Variants in CADPS2 observed in about 807,000 individuals in gnomAD.
CADPS2 encodes the protein calcium-dependent secretion activator 2.
CADPS2 carries 93 observed loss-of-function variants against 172.5 expected under a neutral mutation model. The observed-to-expected ratio is 0.54, with a 90% CI of 0.46 to 0.64. The LOEUF (loss-of-function observed/expected upper bound fraction) is 0.64. Ranked by LOEUF, CADPS2 falls within the 30% of genes least tolerant of loss-of-function variation. The pLI is 0.00. For missense variants in CADPS2, 1,420 were observed against 1,565.9 expected (o/e 0.91, Z 1.57); for synonymous variants, 546 against 555.2 (o/e 0.98, Z 0.23).
At chr7:122,464,945 A>G (rs1359691393) in intron 14 of CADPS2, among the ~76,000 whole-genome samples, 1 of 152,244 alleles carries the variant, frequency 6.6e-6, no homozygotes, top group Non-Finnish European at 1.5e-5. Flanking sequence ...GTATGACAAT[A>G]ACATTAAGGG....
rs543276169 is a variant in CADPS2 at position 122,580,123 on chromosome 7, T to A, written c.1335+1056A>T. Among the ~76,000 whole-genome samples, 19 of 152,200 alleles carry A rather than the reference T, an allele frequency of 1.2e-4. No homozygotes were observed. The East Asian group carries it at 2.3e-3, about 19-fold the overall frequency. On this transcript the variant is annotated intron_variant, in intron 7 of 29. Transcript: ENST00000449022. ...TGAAGGTTTTATTTGCTGGAAAATA[T>A]CTCTGAATACAGTCTTCAGGTCTAG...
chr7:122,530,142 C>T (rs2061633088), intron 8 of CADPS2, among the ~76,000 whole-genome samples: 1 of 151,994 alleles, frequency 6.6e-6, no homozygotes, highest in Non-Finnish European at 1.5e-5. Context: ...CATGGTAGTT[C>T]CTACAAGACA....
intron 7 of CADPS2, among the ~76,000 whole-genome samples, chr7:122,579,695 A>G (rs1010171312): frequency 6.6e-6 from 1 of 151,898 alleles, no homozygotes; most frequent in African/African-American, 2.4e-5. Context: ...TAATAAAAAG[A>G]CCATATGTTG....
intron 1 of CADPS2, among the ~76,000 whole-genome samples, chr7:122,835,119 T>G (rs1021324091): frequency 1.3e-5 from 2 of 152,220 alleles, no homozygotes. Flanking sequence ...CAACATTTGC[T>G]GTTCAGCAAT....
intron 14 of CADPS2, among the ~76,000 whole-genome samples, chr7:122,463,095 C>T (rs1224856762): frequency 6.6e-6 from 1 of 152,152 alleles, no homozygotes; most frequent in Non-Finnish European, 1.5e-5. Flanking sequence ...ATTAGTAAGA[C>T]TTTAGAAGAT....
intron 3 of CADPS2, among the ~76,000 whole-genome samples, chr7:122,653,109 C>T (rs1332582275): frequency 5.3e-5 from 8 of 152,190 alleles, no homozygotes; most frequent in African/African-American, 1.7e-4. Flanking sequence ...CCTTCCCATT[C>T]GTGTCCTTTC....
intron 17 of CADPS2, among the ~76,000 whole-genome samples, chr7:122,435,066 A>T (rs1308715985): frequency 6.6e-6 from 1 of 152,204 alleles, no homozygotes; most frequent in African/African-American, 2.4e-5. Context: ...TTTACCTACA[A>T]AGTATTAGCA....
rs73717671 is a variant in CADPS2 at position 122,525,905 on chromosome 7, A to G, written c.1476-12590T>C. Among the ~76,000 whole-genome samples the G allele has an allele frequency of 7.8e-3, 1,184 of 152,240 alleles. 15 individuals are homozygous for G. The highest frequency in any genetic ancestry group is 0.028 in the African/African-American group (1,144 of 41,548). On this transcript the variant is annotated intron_variant, in intron 8 of 29. Coordinates refer to ENST00000449022, the MANE Select transcript of CADPS2 (RefSeq NM_017954.11). Reference sequence around the variant, plus strand: ...ATGGCAAGTATTTGTGTTTCTAAGCATATCTAAACATAGGCTACAGTAAAA... The same window carrying G: ...ATGGCAAGTATTTGTGTTTCTAAGCGTATCTAAACATAGGCTACAGTAAAA...
chr7:122,453,831 G>GT (rs1358414269), intron 14 of CADPS2, among the ~76,000 whole-genome samples: 3 of 152,132 alleles, frequency 2.0e-5, no homozygotes, highest in East Asian at 3.9e-4. Context: ...AGTGAGAAAG[G>GT]TAAGTCAGGG....
At chr7:122,580,384 G>T (rs945396890) in intron 7 of CADPS2, among the ~76,000 whole-genome samples, 1 of 151,438 alleles carries the variant, frequency 6.6e-6, no homozygotes, top group Non-Finnish European at 1.5e-5. Flanking sequence ...GAATCTAGGA[G>T]GTGGGTTGCA....
At position 122,379,403 on chromosome 7, in the gene CADPS2, T is replaced by C; in HGVS notation, c.3352A>G (p.Ser1118Gly). The C allele has an allele frequency of 6.2e-7, 1 of 1,603,292 alleles. No individual in the cohort carries two copies. The highest frequency in any genetic ancestry group is 8.5e-7 in the Non-Finnish European group (1 of 1,172,094). Reference protein sequence around the residue: ...HSKIDDLIDNSVKEIISLLVS... With the variant: ...HSKIDDLIDNGVKEIISLLVS... ...AACAGTGAAATGATTTCTTTTACACTGTTGTCGATCAGATCATCTATTTTT... is the reference window on the plus strand; with the variant it reads ...AACAGTGAAATGATTTCTTTTACACCGTTGTCGATCAGATCATCTATTTTT... The change falls in exon 25 of 30, where the codon AGT becomes GGT. Residue 1118 changes from serine to glycine, a missense_variant. Transcript: ENST00000449022.
chr7:122,883,123 T>C (rs1193888719), intron 1 of CADPS2, among the ~76,000 whole-genome samples: 2 of 152,290 alleles, frequency 1.3e-5, no homozygotes, highest in Admixed American at 6.5e-5. Flanking sequence ...GCTACTAAGC[T>C]TTCTCAAATA....
In CADPS2 at chr7:122,597,117, G is replaced by A. The variant is rs567533113; in HGVS notation, c.1224-15827C>T. Among the ~76,000 whole-genome samples, 131 of 152,138 alleles carry A rather than the reference G, an allele frequency of 8.6e-4. 4 individuals carry two copies. In the South Asian group the frequency reaches 0.026, roughly 30 times the overall value. On this transcript the variant is annotated intron_variant, in intron 6 of 29. Coordinates refer to ENST00000449022, the MANE Select transcript of CADPS2 (RefSeq NM_017954.11). ...CCATTCATGAGGGATCTGCCACTAT[G>A]AGCAAACACCTCTCATTTGGCCCCA... is the stretch of plus-strand genomic sequence containing the variant.
At chr7:122,471,330 T>C (rs913292765) in intron 14 of CADPS2, 45 bp downstream of exon 14, 1 of 1,366,116 alleles carries the variant, frequency 7.3e-7, no homozygotes, top group Non-Finnish European at 9.8e-7. Flanking sequence ...CTCTTTTCCA[T>C]AGTCAACCCC....
intron 27 of CADPS2, among the ~76,000 whole-genome samples, chr7:122,359,637 A>G (rs1030923717): frequency 1.4e-4 from 22 of 152,256 alleles, no homozygotes; most frequent in African/African-American, 5.1e-4. Context: ...TATCAAACAT[A>G]AAATCTCCCC....
chr7:122,373,865 A>T (rs550772556), intron 25 of CADPS2, among the ~76,000 whole-genome samples: 9 of 152,276 alleles, frequency 5.9e-5, no homozygotes, highest in Admixed American at 5.2e-4. Context: ...TACCAAAAAA[A>T]ACCCCAAAAA....
intron 6 of CADPS2, among the ~76,000 whole-genome samples, chr7:122,592,504 T>C (rs1230708709): frequency 6.6e-6 from 1 of 152,024 alleles, no homozygotes; most frequent in African/African-American, 2.4e-5. Context: ...ACCCACAGGA[T>C]TATAAATCAT....
At chr7:122,813,597 A>G (rs1474777649) in intron 1 of CADPS2, among the ~76,000 whole-genome samples, 1 of 152,068 alleles carries the variant, frequency 6.6e-6, no homozygotes, top group Non-Finnish European at 1.5e-5. Context: ...GCAGAACTTT[A>G]TTATCAAGTT....
rs546811423 is a variant in CADPS2 at position 122,607,067 on chromosome 7, G to A, written c.1223+8114C>T. ...GCACCTACATACATAGACATTTCAC[G>A]CCTTCTTCCCCTTCCTACCAACTGC... On this transcript the variant is annotated intron_variant, in intron 6 of 29. Transcript: ENST00000449022. 3.9e-5 allele frequency among the ~76,000 whole-genome samples: 6 copies of A among 152,110 alleles called. No individual in the cohort carries two copies. The South Asian group carries it at 1.2e-3, about 32-fold the overall frequency.
Sources: allele counts gnomAD v4.1 joint callset (sites outside exome capture counted in the v4.1 genomes callset), GRCh38; gene constraint gnomAD v4.1.1; transcripts MANE v1.5; gene names NCBI Gene and HGNC (gene_info 2026-07-23, HGNC 2026-07-21).